PTGIR: variants seen among roughly 807,000 people sequenced by gnomAD.
The protein encoded by PTGIR is prostaglandin I2 receptor, also known as prostacyclin receptor.
Under a neutral mutation model 17.6 loss-of-function variants are expected in PTGIR, and 16 were observed. The observed-to-expected ratio is 0.91, with a 90% CI of 0.61 to 1.38. The LOEUF (loss-of-function observed/expected upper bound fraction) is 1.38. Ranked by LOEUF, PTGIR falls within the 40% of genes most tolerant of loss-of-function variation. PTGIR has a pLI of 0.00. For missense variants in PTGIR, 532 were observed against 548.6 expected, an observed-to-expected ratio of 0.97 and a Z score of 0.30; for synonymous variants, 274 against 255.4, an observed-to-expected ratio of 1.07 and a Z score of -0.69.
the PTGIR span, among the ~76,000 whole-genome samples, chr19:46,611,010 C>T: frequency 4.6e-5 from 7 of 152,162 alleles, no homozygotes; most frequent in South Asian, 4.1e-4. Context: ...TAGAGATAGT[C>T]GCACAAATGG....
chr19:46,619,824 A>C (rs1056870244), downstream of PTGIR, among the ~76,000 whole-genome samples: 27 of 151,640 alleles, frequency 1.8e-4, no homozygotes, highest in African/African-American at 6.5e-4. Context: ...ACAGAGGGGG[A>C]GAGTAGGAAA....
chr19:46,623,686 G>T lies in PTGIR; in HGVS notation c.540C>A (p.Gly180=), dbSNP rs915407661. ...CFLRMRWAQP[G]GAAFSLAYAG... ...CGTAGGCCAGCGAGAAGGCGGCGCC[G>T]CCCGGCTGGGCCCAGCGCATGCGGA... is the stretch of plus-strand genomic sequence containing the variant. The change falls in exon 2 of 3, where the codon GGC becomes GGA. Residue 180 remains glycine (G), a synonymous_variant. Coordinates refer to ENST00000291294, the MANE Select transcript of PTGIR (RefSeq NM_000960.4). 6.4e-7 allele frequency: 1 copy of T among 1,552,132 alleles called. No individual in the cohort carries two copies. The highest frequency in any genetic ancestry group is 1.4e-5 in the African/African-American group (1 of 73,784).
the PTGIR span, among the ~76,000 whole-genome samples, chr19:46,613,136 C>A: frequency 8.6e-5 from 12 of 138,908 alleles, no homozygotes; most frequent in Admixed American, 1.6e-4. Context: ...CTCTGCCTCC[C>A]AGGTTCAAGT....
intron 2 of PTGIR, chr19:46,622,093 C>T (rs1230850093): frequency 1.0e-6 from 1 of 985,270 alleles, no homozygotes; most frequent in Non-Finnish European, 1.2e-6. Flanking sequence ...ATTTAAGGAC[C>T]CCCCAATCCG....
the PTGIR span, chr19:46,614,477 C>G: frequency 6.4e-4 from 622 of 969,444 alleles, no homozygotes; most frequent in Middle Eastern, 1.1e-3. Flanking sequence ...CCCCTTGAGT[C>G]CCCCGTTCCC....
intron 2 of PTGIR, chr19:46,622,362 C>G (rs998435991): frequency 1.0e-6 from 1 of 984,634 alleles, no homozygotes; most frequent in Non-Finnish European, 1.2e-6. Flanking sequence ...TGTGACTGGG[C>G]GAAAGACACT....
chr19:46,620,823 G>A lies in PTGIR; in HGVS notation c.*457C>T. 1 of 987,584 alleles carries A rather than the reference G, an allele frequency of 1.0e-6. No homozygotes were observed. The highest frequency in any genetic ancestry group is 1.2e-6 in the Non-Finnish European group (1 of 831,202). The allele number at this position is 987,584 out of a possible 1,614,324, so 61.2% of individuals were successfully genotyped here. On this transcript the variant is annotated 3_prime_UTR_variant, in exon 3 of 3. Transcript: ENST00000291294. ...TTCCAATAACTGTGGTTTTTGTGGAGCAGAAAGGGGCTGGCTCTTGGAGTG... is the reference window on the plus strand; with the variant it reads ...TTCCAATAACTGTGGTTTTTGTGGAACAGAAAGGGGCTGGCTCTTGGAGTG...
chr19:46,624,153 C>G lies in PTGIR; in HGVS notation c.73G>C (p.Val25Leu), dbSNP rs2229127. 3 of 1,523,306 alleles carry G rather than the reference C, an allele frequency of 2.0e-6. No homozygotes were observed. The highest frequency in any genetic ancestry group is 1.2e-5 in the South Asian group (1 of 82,092). 94.4% of individuals were successfully genotyped at this position (1,523,306 alleles called of 1,614,324 possible). A position where few individuals can be genotyped will look rare whatever the true frequency, so the allele number is the denominator to read the frequency against. ...AGCCCGTTGCCCACCACACCGGCCACGAACATCAGGGTGCTGGTGGCCGGC... is the reference window on the plus strand; with the variant it reads ...AGCCCGTTGCCCACCACACCGGCCAGGAACATCAGGGTGCTGGTGGCCGGC... ...VGPATSTLMF[V>L]AGVVGNGLAL... Residue 25 changes from valine (V) to leucine (L), a missense_variant, in exon 2 of 3, where the codon GTG becomes CTG. Transcript: ENST00000291294.
chr19:46,622,155 T>G, intron 2 of PTGIR: 1 of 985,222 alleles, frequency 1.0e-6, no homozygotes, highest in African/African-American at 1.7e-5. Flanking sequence ...AGAAGAAAGG[T>G]GGCACGACCA....
Position 46,624,110 on chromosome 19 carries a change from C to A in PTGIR, c.116G>T (p.Ser39Ile), listed in dbSNP as rs200018991. 1 of 1,539,738 alleles carries A rather than the reference C, an allele frequency of 6.5e-7. No homozygotes were observed. Among genetic ancestry groups the A allele is most frequent in the Non-Finnish European group, 8.7e-7 (1 of 1,149,286 alleles). ...VGNGLALGIL[S>I]ARRPARPSAF... is the part of the protein sequence containing the mutation. ...CGAGGGGCGCGCCGGTCGCCGTGCG[C>A]TCAGGATGCCCAGGGCCAGCCCGTT... The change falls in exon 2 of 3, where the codon AGC becomes ATC. Residue 39 changes from serine to isoleucine, a missense_variant. Ser to Ile is a moderately radical substitution (Grantham distance 142). Coordinates refer to ENST00000291294, the MANE Select transcript of PTGIR (RefSeq NM_000960.4).
At chr19:46,614,000 C>A in the PTGIR span, among the ~76,000 whole-genome samples, 1 of 152,210 alleles carries the variant, frequency 6.6e-6, no homozygotes, top group African/African-American at 2.4e-5. Flanking sequence ...CTTCCCTTCC[C>A]ATTTTTTATT....
At chr19:46,614,382 G>A in the PTGIR span, 1 of 985,202 alleles carries the variant, frequency 1.0e-6, no homozygotes, top group Non-Finnish European at 1.2e-6. Context: ...GTGTGCGCCG[G>A]TGTTTAAGTC....
rs1209588822 is a variant in PTGIR at position 46,621,708 on chromosome 19, G to A, written c.769-36C>T. ...GGTGAGGGCGTCAAGGAGCACCCAG[G>A]AGTCCTCAGCCTCCCCACCCTGGCT... On this transcript the variant is annotated intron_variant, in intron 2 of 2. Coordinates refer to ENST00000291294, the MANE Select transcript of PTGIR (RefSeq NM_000960.4). This position sits in a 1 kb window ranked among gnomAD's most constrained non-coding sequence, Gnocchi z 4.8. 4 of 1,581,136 alleles carry A rather than the reference G, an allele frequency of 2.5e-6. No homozygotes were observed. Among genetic ancestry groups the A allele is most frequent in the East Asian group, 4.5e-5 (2 of 44,462 alleles).
rs1242377819 is a variant in PTGIR at position 46,621,629 on chromosome 19, T to C, written c.812A>G (p.Glu271Gly). The C allele has an allele frequency of 6.2e-7, 1 of 1,613,340 alleles. No individual in the cohort carries two copies. The highest frequency in any genetic ancestry group is 1.7e-5 in the Admixed American group (1 of 60,020). ...TQAVAPDSSS[E>G]MGDLLAFRFY... ...GCGGAAGGCAAGGAGGTCCCCCATCTCACTGCTGCTGTCAGGGGCGACAGC... is the reference window on the plus strand; with the variant it reads ...GCGGAAGGCAAGGAGGTCCCCCATCCCACTGCTGCTGTCAGGGGCGACAGC... Residue 271 changes from glutamate (E) to glycine (G), a missense_variant, in exon 3 of 3, where the codon GAG becomes GGG. By Grantham distance (98) the Glu-to-Gly change is moderately conservative. Coordinates refer to ENST00000291294, the MANE Select transcript of PTGIR (RefSeq NM_000960.4). This position sits in a 1 kb window ranked among gnomAD's most constrained non-coding sequence, Gnocchi z 4.8.
chr19:46,622,453 T>C (rs2122336865), intron 2 of PTGIR: 1 of 954,366 alleles, frequency 1.0e-6, no homozygotes, highest in East Asian at 1.2e-4. Flanking sequence ...GTGGCTATGA[T>C]CATTTTGAAA....
chr19:46,624,313 C>A, intron 1 of PTGIR, 76 bp from the exon 2 acceptor site: 1 of 1,351,832 alleles, frequency 7.4e-7, no homozygotes, highest in Non-Finnish European at 9.6e-7. Context: ...GATGTCCCTG[C>A]TGGCCAGTCC....
chr19:46,622,289 G>T (rs1321866076), intron 2 of PTGIR: 2 of 985,274 alleles, frequency 2.0e-6, no homozygotes, highest in East Asian at 2.3e-4. Flanking sequence ...AGGCAGAGGG[G>T]AGCCAGGTAG....
At position 46,624,186 on chromosome 19, in the gene PTGIR, A is replaced by T. The variant is rs1178084030; in HGVS notation, c.40T>A (p.Ser14Thr). The T allele has an allele frequency of 6.8e-7, 1 of 1,479,920 alleles. No homozygotes were observed. Among genetic ancestry groups the T allele is most frequent in the Middle Eastern group, 1.9e-4 (1 of 5,392 alleles). 91.7% of individuals were successfully genotyped at this position (1,479,920 alleles called of 1,614,324 possible). Residue 14 changes from serine to threonine, a missense_variant, in exon 2 of 3, where the codon TCG (serine) becomes ACG (threonine). Ser to Thr is a moderately conservative substitution (Grantham distance 58, BLOSUM62 1). Coordinates refer to ENST00000291294, the MANE Select transcript of PTGIR (RefSeq NM_000960.4). ...AGGGTGCTGGTGGCCGGCCCCACCGAGCCCCGCACGTAGGTGAGGTTCCTG... is the reference window on the plus strand; with the variant it reads ...AGGGTGCTGGTGGCCGGCCCCACCGTGCCCCGCACGTAGGTGAGGTTCCTG... ...SCRNLTYVRG[S>T]VGPATSTLMF...
the PTGIR span, chr19:46,614,513 C>T: frequency 1.2e-6 from 1 of 833,974 alleles, no homozygotes; most frequent in Non-Finnish European, 1.4e-6. Flanking sequence ...GAGCCCCACC[C>T]CAGACTAGGG....
Sources: gnomAD v4.1 joint callset for allele counts (sites outside exome capture counted in the v4.1 genomes callset) on GRCh38, gnomAD v4.1.1 for gene constraint, Gnocchi (gnomAD v3.1) non-coding constraint, MANE v1.5 for transcripts, NCBI Gene and HGNC (gene_info 2026-07-23, HGNC 2026-07-21) for gene names.